RB1: variants seen among roughly 807,000 people sequenced by gnomAD.
RB1 encodes the protein retinoblastoma-associated protein.
In RB1, 18 loss-of-function variants were observed where a neutral mutation model predicts 135.4. That is an observed-to-expected ratio of 0.13 (90% CI 0.09 to 0.20). The LOEUF (loss-of-function observed/expected upper bound fraction) is 0.20. RB1 is among the 10% of genes least tolerant of loss of function. RB1 has a pLI of 1.00. For missense variants in RB1, 868 were observed against 1,110.0 expected (o/e 0.78, Z 3.10); for synonymous variants, 365 against 373.2 (o/e 0.98, Z 0.25).
In RB1 at chr13:48,316,243, T is replaced by C. The variant is rs1004089136; in HGVS notation, c.264+8837T>C. ...CTGTGACTGCAGTTTTCAAATGTGC[T>C]CTGGCCTCCAAGGACCAGGGGGGCG... On this transcript the variant is annotated intron_variant, in intron 2 of 26. Transcript: ENST00000267163. Among the ~76,000 whole-genome samples the C allele has an allele frequency of 2.7e-5, 4 of 150,064 alleles. No individual in the cohort carries two copies. In the South Asian group the frequency reaches 6.5e-4, roughly 25 times the overall value.
chr13:48,376,724 A>G (rs1436548280), intron 12 of RB1, among the ~76,000 whole-genome samples, 194 bp from the exon 13 acceptor site: 2 of 152,130 alleles, frequency 1.3e-5, no homozygotes, highest in Non-Finnish European at 1.5e-5. Flanking sequence ...GTTGTACTGT[A>G]GTATTTTTTG....
At chr13:48,347,600 CT>C (rs568539190) in intron 4 of RB1, among the ~76,000 whole-genome samples, 3 of 151,424 alleles carry the variant, frequency 2.0e-5, no homozygotes, top group Non-Finnish European at 3.0e-5. Flanking sequence ...TTATTTATAC[CT>C]TTTTTTTGAA....
chr13:48,332,463 G>T (rs1164972582), intron 2 of RB1, among the ~76,000 whole-genome samples: 1 of 152,096 alleles, frequency 6.6e-6, no homozygotes, highest in African/African-American at 2.4e-5. Flanking sequence ...CAGCTACTTG[G>T]GACTCTGAGG....
chr13:48,348,928 T>G lies in RB1; in HGVS notation c.540-28T>G, dbSNP rs368358330. The G allele has an allele frequency of 7.0e-5, 111 of 1,593,864 alleles. 1 individual carries two copies. The highest frequency in any genetic ancestry group is 9.5e-5 in the Non-Finnish European group (111 of 1,169,888). ...CTTTCAGTGATACATTTTTCCTGTTTTTTTTCTGCTTTCTATTTGTTTAAT... is the reference window on the plus strand; with the variant it reads ...CTTTCAGTGATACATTTTTCCTGTTGTTTTTCTGCTTTCTATTTGTTTAAT... On this transcript the variant is annotated intron_variant, in intron 5 of 26. Transcript: ENST00000267163.
At chr13:48,360,248 CTT>C in intron 7 of RB1, 121 bp downstream of exon 7, 1 of 1,526,940 alleles carries the variant, frequency 6.5e-7, no homozygotes, top group Non-Finnish European at 8.8e-7. Flanking sequence ...CAGACATGGA[CTT>C]TGCCCATAAG....
At chr13:48,345,693 A>G (rs1413583150) in intron 4 of RB1, among the ~76,000 whole-genome samples, 1 of 152,112 alleles carries the variant, frequency 6.6e-6, no homozygotes, top group Non-Finnish European at 1.5e-5. Context: ...TTTTTTCTAT[A>G]CTTTTCATCA....
At chr13:48,379,556 A>G in intron 13 of RB1, 38 bp from the exon 14 acceptor site, 1 of 1,598,524 alleles carries the variant, frequency 6.3e-7, no homozygotes, top group Non-Finnish European at 8.5e-7. Flanking sequence ...GATTTTCTAA[A>G]ATAGCAGGCT....
intron 9 of RB1, among the ~76,000 whole-genome samples, chr13:48,365,594 A>T (rs547151499): frequency 7.2e-5 from 11 of 152,308 alleles, no homozygotes; most frequent in African/African-American, 2.6e-4. Context: ...GCTGTGATAG[A>T]TGATGAAGAA....
At chr13:48,399,976 C>A (rs956678836) in intron 17 of RB1, among the ~76,000 whole-genome samples, 1 of 152,000 alleles carries the variant, frequency 6.6e-6, no homozygotes, top group African/African-American at 2.4e-5. Context: ...TACACATTAC[C>A]CATTCTCTTT....
At chr13:48,304,678 T>A (rs1452623191) in intron 1 of RB1, among the ~76,000 whole-genome samples, 1 of 152,192 alleles carries the variant, frequency 6.6e-6, no homozygotes, top group Non-Finnish European at 1.5e-5. Context: ...CTGTAGTGAT[T>A]GATGGAGCGT....
At chr13:48,367,981 C>T (rs528358524) in intron 10 of RB1, among the ~76,000 whole-genome samples, 1 of 152,098 alleles carries the variant, frequency 6.6e-6, no homozygotes, top group South Asian at 2.1e-4. Flanking sequence ...AGTGTAGTCT[C>T]TGTTATTATC....
Position 48,303,989 on chromosome 13 carries a change from CG to C in RB1, c.78del (p.Pro28LeufsTer37). 1 of 1,498,690 alleles carries C rather than the reference CG, an allele frequency of 6.7e-7. No individual in the cohort carries two copies. The allele number at this position is 1,498,690 out of a possible 1,614,324, so 92.8% of individuals were successfully genotyped here. On this transcript the variant is annotated frameshift_variant, in exon 1 of 27. Coordinates refer to ENST00000267163, the MANE Select transcript of RB1 (RefSeq NM_000321.3). LOFTEE classifies it high-confidence loss of function. The stretch of plus-strand genomic sequence containing the variant: ...GCGGAACCCCCGGCACCGCCGCCGC[CG>C]CCCCCTCCTGAGGAGGACCCAGAGC... The part of the protein sequence containing the change: ...AAAEPPAPPP[P>X]PPPEEDPEQD...
At chr13:48,354,447 G>GA (rs1308651640) in intron 6 of RB1, among the ~76,000 whole-genome samples, 2 of 151,828 alleles carry the variant, frequency 1.3e-5, no homozygotes, top group African/African-American at 4.8e-5. Flanking sequence ...CAAAAAAATG[G>GA]AAAAAAATTT....
intron 17 of RB1, chr13:48,424,254 A>G (rs1456589745): frequency 6.6e-6 from 1 of 152,262 alleles, no homozygotes; most frequent in Non-Finnish European, 1.5e-5. Context: ...ATTCTAGACT[A>G]GTATTACCAT....
At chr13:48,316,719 T>TCACACACACA (rs60176662) in intron 2 of RB1, 4 of 107,602 alleles carry the variant, frequency 3.7e-5, no homozygotes, top group Non-Finnish European at 3.8e-5. Context: ...CACAGAACCA[T>TCACACACACA]CACACACACA....
chr13:48,463,395 C>T (rs905050714), intron 20 of RB1, among the ~76,000 whole-genome samples: 3 of 152,200 alleles, frequency 2.0e-5, no homozygotes. Flanking sequence ...AACATTTTCA[C>T]ACCTGGCTTT....
rs2138091692 is a variant in RB1 at position 48,347,855 on chromosome 13, C to A, written c.531C>A (p.Pro177=). The A allele has an allele frequency of 6.3e-7, 1 of 1,591,228 alleles. No homozygotes were observed. The highest frequency in any genetic ancestry group is 1.1e-5 in the South Asian group (1 of 90,262). ...GTGAACTTATATATTTGACACAACC[C>A]AGCAGTTCGTAAGTAGTTCACAGAA... ...RTCELIYLTQ[P]SSSISTEINS... The change falls in exon 5 of 27, where the codon CCC becomes CCA. Residue 177 remains proline, a synonymous_variant. Transcript: ENST00000267163.
rs182779618 is a variant in RB1, at chr13:48,410,199, G to C, written c.1695+28756G>C. Among the ~76,000 whole-genome samples the C allele has an allele frequency of 4.4e-3, 675 of 152,258 alleles. 2 individuals are homozygous for C. Among genetic ancestry groups the C allele is most frequent in the African/African-American group, 0.015 (638 of 41,540 alleles). ...TCATGCATCACGTAATAGCATTTTG[G>C]TCAATGACCGCATAAACGATGGTGG... On this transcript the variant is annotated intron_variant, in intron 17 of 26. Coordinates refer to ENST00000267163, the MANE Select transcript of RB1 (RefSeq NM_000321.3).
chr13:48,424,505 G>A (rs1417681048), intron 17 of RB1, among the ~76,000 whole-genome samples: 1 of 152,192 alleles, frequency 6.6e-6, no homozygotes, highest in African/African-American at 2.4e-5. Flanking sequence ...AGTAGGGAAA[G>A]GAAATCAAGA....
Sources: allele counts gnomAD v4.1 joint callset (sites outside exome capture counted in the v4.1 genomes callset), GRCh38; gene constraint gnomAD v4.1.1; transcripts MANE v1.5; gene names NCBI Gene and HGNC (gene_info 2026-07-23, HGNC 2026-07-21).